PDE1C: variants seen among roughly 807,000 people sequenced by gnomAD.
PDE1C encodes phosphodiesterase 1C.
PDE1C carries 62 observed loss-of-function variants against 93.1 expected under a neutral mutation model. The ratio of observed to expected loss-of-function variants is 0.67; its 90% CI spans 0.54 to 0.82. The LOEUF (loss-of-function observed/expected upper bound fraction) is 0.82. Ranked by LOEUF, PDE1C falls within the 40% of genes least tolerant of loss-of-function variation. The probability of loss-of-function intolerance (pLI) is 0.00; values close to 1 mark genes in which losing one functional copy is unlikely to be tolerated. For synonymous variants in PDE1C, 325 were observed against 310.1 expected (o/e 1.05, Z -0.50); for missense variants, 742 against 884.6 (o/e 0.84, Z 2.04).
chr7:32,022,905 T>G (rs1391883927), intron 2 of PDE1C, among the ~76,000 whole-genome samples: 1 of 152,018 alleles, frequency 6.6e-6, no homozygotes, highest in African/African-American at 2.4e-5. Flanking sequence ...TTTGTTACTT[T>G]CCTATTACCA....
intron 9 of PDE1C, among the ~76,000 whole-genome samples, chr7:31,844,497 T>C (rs1351026656): frequency 6.6e-6 from 1 of 151,890 alleles, no homozygotes; most frequent in Non-Finnish European, 1.5e-5. Flanking sequence ...TTCTGGCCTC[T>C]ATAGTTTCTG....
At chr7:32,144,455 C>T (rs1214775747) in intron 3 of PDE1C, among the ~76,000 whole-genome samples, 1 of 152,136 alleles carries the variant, frequency 6.6e-6, no homozygotes, top group Non-Finnish European at 1.5e-5. Context: ...CATCTCCAGG[C>T]AATCATCATG....
At chr7:32,328,149 A>G (rs901691641) in intron 1 of PDE1C, among the ~76,000 whole-genome samples, 2 of 152,158 alleles carry the variant, frequency 1.3e-5, no homozygotes, top group Non-Finnish European at 2.9e-5. Context: ...TGGTTAAATC[A>G]TTTGCCACTC....
chr7:31,624,645 G>A, the PDE1C span, among the ~76,000 whole-genome samples: 31 of 150,098 alleles, frequency 2.1e-4, no homozygotes, highest in South Asian at 5.4e-3. Flanking sequence ...AGACTTAAAC[G>A]TTAGACCTAA....
the PDE1C span, among the ~76,000 whole-genome samples, chr7:31,686,308 T>C: frequency 6.6e-6 from 1 of 152,144 alleles, no homozygotes; most frequent in East Asian, 1.9e-4. Context: ...TCTCCTCCAG[T>C]GAGCAGACCC....
intron 1 of PDE1C, among the ~76,000 whole-genome samples, chr7:32,211,109 T>G (rs571708601): frequency 6.6e-6 from 1 of 152,076 alleles, no homozygotes; most frequent in Non-Finnish European, 1.5e-5. Flanking sequence ...CTCGGGAGGC[T>G]GAGGCAGGAG....
intron 1 of PDE1C, 74 bp from the exon 2 acceptor site, chr7:32,051,654 T>C (rs1793393571): frequency 1.9e-5 from 24 of 1,253,028 alleles, no homozygotes; most frequent in Non-Finnish European, 2.7e-5. Context: ...ATTACTTCAG[T>C]GGGGATGGGC....
chr7:32,032,507 C>G (rs534927098), intron 2 of PDE1C, among the ~76,000 whole-genome samples: 1 of 152,282 alleles, frequency 6.6e-6, no homozygotes, highest in African/African-American at 2.4e-5. Flanking sequence ...CAGCCACTGA[C>G]AGGAACACTG....
At chr7:32,078,124 A>C (rs1334859184) in intron 3 of PDE1C, 1 of 668,726 alleles carries the variant, frequency 1.5e-6, no homozygotes, top group East Asian at 1.3e-4. Flanking sequence ...CCAAAGGTAC[A>C]TAAATCAGCG....
chr7:32,201,346 T>C (rs1255593587), intron 2 of PDE1C, among the ~76,000 whole-genome samples: 1 of 152,202 alleles, frequency 6.6e-6, no homozygotes, highest in Admixed American at 6.5e-5. Flanking sequence ...AACAGCCAAG[T>C]CACGTCTTCC....
intron 1 of PDE1C, among the ~76,000 whole-genome samples, chr7:32,229,617 AC>A (rs1807542805): frequency 1.3e-5 from 2 of 152,330 alleles, no homozygotes; most frequent in South Asian, 4.1e-4. Flanking sequence ...TGATAGAATC[AC>A]AGGCATCTAG....
intron 11 of PDE1C, among the ~76,000 whole-genome samples, chr7:31,829,208 T>G (rs566047381): frequency 6.6e-6 from 1 of 152,068 alleles, no homozygotes; most frequent in Non-Finnish European, 1.5e-5. Flanking sequence ...CTACTAGATG[T>G]GAGATAGATC....
chr7:31,881,470 CAA>C (rs2128880131), intron 2 of PDE1C, among the ~76,000 whole-genome samples: 1 of 151,006 alleles, frequency 6.6e-6, no homozygotes, highest in Non-Finnish European at 1.5e-5. Flanking sequence ...CCAGACTATA[CAA>C]GAGAAGCAAT....
At chr7:31,662,623 G>A in the PDE1C span, among the ~76,000 whole-genome samples, 4 of 152,140 alleles carry the variant, frequency 2.6e-5, no homozygotes, top group African/African-American at 9.7e-5. Context: ...GACTGTGTTT[G>A]ACTCTGTGCA....
intron 1 of PDE1C, among the ~76,000 whole-genome samples, chr7:32,304,466 C>T (rs1410497544): frequency 1.3e-5 from 2 of 152,184 alleles, no homozygotes; most frequent in African/African-American, 4.8e-5. Flanking sequence ...GCCATTCCCT[C>T]TCTCCACTCA....
chr7:32,032,573 C>T (rs901253862), intron 2 of PDE1C, among the ~76,000 whole-genome samples: 1 of 152,136 alleles, frequency 6.6e-6, no homozygotes, highest in African/African-American at 2.4e-5. Context: ...AGTGACTGGA[C>T]TAGAGAGAAA....
intron 3 of PDE1C, among the ~76,000 whole-genome samples, chr7:32,104,986 G>T (rs1798225940): frequency 1.3e-5 from 2 of 152,142 alleles, no homozygotes; most frequent in South Asian, 4.1e-4. Context: ...TTAGCTCCAA[G>T]AACCTGCCAA....
chr7:32,413,086 C>T (rs1785205246), intron 1 of PDE1C, among the ~76,000 whole-genome samples: 2 of 152,026 alleles, frequency 1.3e-5, no homozygotes, highest in Admixed American at 6.6e-5. Flanking sequence ...AAGATTTTCA[C>T]ATTTTATTGT....
the PDE1C span, among the ~76,000 whole-genome samples, chr7:31,743,040 C>T: frequency 6.6e-6 from 1 of 152,110 alleles, no homozygotes; most frequent in Non-Finnish European, 1.5e-5. Context: ...ACCCCCTAGT[C>T]TGGCCTCAAT....
Sources: allele counts gnomAD v4.1 joint callset (sites outside exome capture counted in the v4.1 genomes callset), GRCh38; gene constraint gnomAD v4.1.1; transcripts MANE v1.5; gene names NCBI Gene and HGNC (gene_info 2026-07-23, HGNC 2026-07-21).